The following TARS2 variants were observed in gnomAD, a reference collection of about 807,000 sequenced individuals.
The protein encoded by TARS2 is threonine--tRNA ligase, mitochondrial.
Under a neutral mutation model 94.4 loss-of-function variants are expected in TARS2, and 61 were observed. The ratio of observed to expected loss-of-function variants is 0.65; its 90% CI spans 0.53 to 0.80. The LOEUF is 0.80. Ranked by LOEUF, TARS2 falls within the 30% of genes least tolerant of loss-of-function variation. TARS2 has a pLI of 0.00. For synonymous variants in TARS2, 359 were observed against 353.4 expected, an observed-to-expected ratio of 1.02 and a Z score of -0.18; for missense variants, 704 against 902.5, an observed-to-expected ratio of 0.78 and a Z score of 2.82.
chr1:150,506,869 A>T (rs1274642653), intron 17 of TARS2, 47 bp from the exon 18 acceptor site: 5 of 1,611,404 alleles, frequency 3.1e-6, no homozygotes, highest in Non-Finnish European at 4.2e-6. Flanking sequence ...AAACTGTTCC[A>T]TGTGGGTGAA....
In TARS2 at chr1:150,497,628, A is replaced by C; in HGVS notation, c.1119A>C (p.Glu373Asp). The C allele has an allele frequency of 6.2e-7, 1 of 1,614,186 alleles. No individual in the cohort carries two copies. Among genetic ancestry groups the C allele is most frequent in the Non-Finnish European group, 8.5e-7 (1 of 1,180,020 alleles). The change falls in exon 10 of 18, where the codon GAA (glutamate) becomes GAC (aspartate). Residue 373 changes from glutamate to aspartate, a missense_variant. By Grantham distance (45) the Glu-to-Asp change is conservative. Around this residue, in one of 3 missense-constraint regions of TARS2, gnomAD observed 466 missense variants for 609.5 expected, o/e 0.76. Transcript: ENST00000369064. Reference protein sequence around the residue: ...EQSGHWEHYQEDMFAVQPPGS... With the variant: ...EQSGHWEHYQDDMFAVQPPGS... The stretch of plus-strand genomic sequence containing the variant: ...CAGGGCACTGGGAGCATTATCAGGA[A>C]GACATGTTTGCCGTGCAGCCCCCAG...
intron 9 of TARS2, among the ~76,000 whole-genome samples, chr1:150,497,308 G>T (rs587646149): frequency 1.4e-4 from 21 of 152,128 alleles, no homozygotes; most frequent in Admixed American, 5.2e-4. Context: ...AAGGTGGGGG[G>T]GCTGGTTTGG....
chr1:150,497,986 A>C (rs1316745482), intron 10 of TARS2, among the ~76,000 whole-genome samples: 3 of 151,484 alleles, frequency 2.0e-5, no homozygotes, highest in Non-Finnish European at 4.4e-5. Context: ...CCAGCTACTC[A>C]GGAGGCTGAG....
intron 13 of TARS2, among the ~76,000 whole-genome samples, chr1:150,503,760 G>A (rs1670071449): frequency 1.3e-5 from 2 of 151,330 alleles, no homozygotes; most frequent in South Asian, 4.2e-4. Context: ...TATGTTAGCT[G>A]GGCGTGGTGG....
intron 7 of TARS2, among the ~76,000 whole-genome samples, chr1:150,493,826 A>C (rs1669515859): frequency 6.6e-6 from 1 of 151,880 alleles, no homozygotes; most frequent in African/African-American, 2.4e-5. Context: ...ATGAGTTACA[A>C]GGGAGCAAGG....
intron 13 of TARS2, among the ~76,000 whole-genome samples, chr1:150,503,725 A>G (rs1247559742): frequency 1.3e-5 from 2 of 150,906 alleles, no homozygotes; most frequent in Non-Finnish European, 3.0e-5. Context: ...ACACACACAC[A>G]CATATACACA....
intron 7 of TARS2, 137 bp from the exon 8 acceptor site, chr1:150,496,345 G>A: frequency 1.0e-6 from 1 of 966,568 alleles, no homozygotes; most frequent in Non-Finnish European, 1.5e-6. Context: ...AGAGGATGGA[G>A]GTGTTCATCC....
intron 13 of TARS2, 84 bp from the exon 14 acceptor site, chr1:150,504,251 G>A (rs1670094506): frequency 7.5e-7 from 1 of 1,338,118 alleles, no homozygotes; most frequent in East Asian, 2.4e-5. Flanking sequence ...TAGGTTAAAG[G>A]GTGGGATGGC....
intron 7 of TARS2, among the ~76,000 whole-genome samples, chr1:150,495,344 C>A (rs1232186243): frequency 6.6e-6 from 1 of 151,778 alleles, no homozygotes; most frequent in Non-Finnish European, 1.5e-5. Context: ...TATACACACA[C>A]ACACACACGT....
At chr1:150,506,058 G>A (rs1054232217) in intron 17 of TARS2, among the ~76,000 whole-genome samples, 1 of 150,844 alleles carries the variant, frequency 6.6e-6, no homozygotes, top group Non-Finnish European at 1.5e-5. Context: ...TCAGCCCTAA[G>A]GGATGAGGAG....
rs1670134939 is a variant in TARS2, at chr1:150,504,944, C to A, written c.1859C>A (p.Pro620His). ...TCCCCGTTCCAGGTGGTGGTCATCC[C>A]TGTGGGGAGTGAGCAAGAGGAATAC... ...WLSPFQVVVI[P>H]VGSEQEEYAK... is the part of the protein sequence containing the mutation. The change falls in exon 16 of 18, where the codon CCT becomes CAT. Residue 620 changes from proline (P) to histidine (H), a missense_variant. By Grantham distance (77) the Pro-to-His change is moderately conservative (BLOSUM62 -2). Transcript: ENST00000369064. The A allele has an allele frequency of 6.2e-7, 1 of 1,614,170 alleles. No homozygotes were observed. The highest frequency in any genetic ancestry group is 8.5e-7 in the Non-Finnish European group (1 of 1,180,032).
At chr1:150,487,591 C>G (rs941257946) in intron 1 of TARS2, 75 bp downstream of exon 1, 1 of 1,584,716 alleles carries the variant, frequency 6.3e-7, no homozygotes, top group Non-Finnish European at 8.6e-7. Flanking sequence ...TTTATGTTAA[C>G]CCAGCCTCAC....
intron 4 of TARS2, 144 bp from the exon 5 acceptor site, chr1:150,491,250 T>C: frequency 1.3e-6 from 1 of 747,628 alleles, no homozygotes; most frequent in Admixed American, 2.5e-5. Flanking sequence ...ATCCTATTTA[T>C]ATTTTCTCTG....
At chr1:150,506,332 A>C (rs1670200256) in intron 17 of TARS2, among the ~76,000 whole-genome samples, 1 of 152,028 alleles carries the variant, frequency 6.6e-6, no homozygotes, top group Non-Finnish European at 1.5e-5. Context: ...CACTCTGTGA[A>C]TCCAGCCCTA....
intron 15 of TARS2, 67 bp downstream of exon 15, chr1:150,504,800 C>G: frequency 6.2e-7 from 1 of 1,605,666 alleles, no homozygotes; most frequent in Non-Finnish European, 8.5e-7. Flanking sequence ...GATCCTGTCC[C>G]CCTTCATATG....
In TARS2 at chr1:150,507,091, C is replaced by T. The variant is rs1670262933; in HGVS notation, c.*27C>T. 2 of 1,611,586 alleles carry T rather than the reference C, an allele frequency of 1.2e-6. No individual in the cohort carries two copies. The highest frequency in any genetic ancestry group is 2.2e-5 in the East Asian group (1 of 44,842). On this transcript the variant is annotated 3_prime_UTR_variant, in exon 18 of 18. Transcript: ENST00000369064. ...CCTTTGTACATAGATGAGGCAAAAA[C>T]CTGCGAGTGCCATCAGCCTCCCTCA...
In TARS2 at chr1:150,491,524, GA is replaced by G; in HGVS notation, c.630+15del. The G allele has an allele frequency of 6.2e-7, 1 of 1,614,166 alleles. No homozygotes were observed. The highest frequency in any genetic ancestry group is 8.5e-7 in the Non-Finnish European group (1 of 1,180,000). ...CCAGTTGTTCAAGGTGGGGTGGAGG[GA>G]AGAGGTGGCTCTTCCAGGACATCTT... is the stretch of plus-strand genomic sequence containing the variant. On this transcript the variant is annotated intron_variant, in intron 5 of 17. Coordinates refer to ENST00000369064, the MANE Select transcript of TARS2 (RefSeq NM_025150.5).
chr1:150,495,922 A>G (rs966487706), intron 7 of TARS2, among the ~76,000 whole-genome samples: 3 of 150,892 alleles, frequency 2.0e-5, no homozygotes, highest in Non-Finnish European at 2.9e-5. Flanking sequence ...GGGTTTCACC[A>G]TGTTAGCCAG....
intron 9 of TARS2, 109 bp downstream of exon 9, chr1:150,497,017 T>G (rs1426361659): frequency 9.7e-7 from 1 of 1,026,098 alleles, no homozygotes; most frequent in East Asian, 2.6e-5. Context: ...GCACAGTGGC[T>G]CACATCTATA....
Sources: allele counts gnomAD v4.1 joint callset (sites outside exome capture counted in the v4.1 genomes callset), GRCh38; gene constraint gnomAD v4.1.1; regional missense constraint gnomAD v4.1.1; transcripts MANE v1.5; gene names NCBI Gene and HGNC (gene_info 2026-07-23, HGNC 2026-07-21).